Variants in RANBP2 observed in about 807,000 individuals in gnomAD.
RANBP2 encodes E3 SUMO-protein ligase RanBP2.
In RANBP2, 57 loss-of-function variants were observed where a neutral mutation model predicts 303.6. The ratio of observed to expected loss-of-function variants is 0.19; its 90% CI spans 0.15 to 0.23. RANBP2 has a LOEUF of 0.23. RANBP2 is among the 10% of genes least tolerant of loss of function. RANBP2 has a pLI of 1.00. For missense variants in RANBP2, 3,138 were observed against 3,780.8 expected (o/e 0.83, Z 4.46); for synonymous variants, 1,167 against 1,301.5 (o/e 0.90, Z 2.23).
chr2:109,306,811 G>T, the RANBP2 span, among the ~76,000 whole-genome samples: 3 of 152,194 alleles, frequency 2.0e-5, no homozygotes, highest in Non-Finnish European at 4.4e-5. Context: ...GGTTGATTAC[G>T]TATTTCCTAG....
At chr2:109,677,815 T>C in the RANBP2 span, among the ~76,000 whole-genome samples, 1 of 152,246 alleles carries the variant, frequency 6.6e-6, no homozygotes, top group African/African-American at 2.4e-5. Context: ...ACTGTTGAGA[T>C]GATACAGTTT....
At chr2:109,655,019 C>T in the RANBP2 span, among the ~76,000 whole-genome samples, 4 of 151,986 alleles carry the variant, frequency 2.6e-5, no homozygotes, top group African/African-American at 7.2e-5. Flanking sequence ...TCTCCTGCCT[C>T]AGCCTCCCGA....
chr2:109,589,205 C>T, the RANBP2 span, among the ~76,000 whole-genome samples: 1 of 151,880 alleles, frequency 6.6e-6, no homozygotes, highest in African/African-American at 2.4e-5. Flanking sequence ...TGCAGTCGTG[C>T]GACCTTGGCA....
the RANBP2 span, among the ~76,000 whole-genome samples, chr2:109,237,392 A>G: frequency 5.3e-5 from 8 of 152,228 alleles, no homozygotes; most frequent in African/African-American, 1.9e-4. Context: ...AAGAGTATAA[A>G]AAAGTGCACA....
At chr2:109,021,524 GA>G in the RANBP2 span, among the ~76,000 whole-genome samples, 80 of 120,114 alleles carry the variant, frequency 6.7e-4, no homozygotes, top group East Asian at 5.2e-3. Flanking sequence ...CTCCGTCTCA[GA>G]AAAAAAAAAA....
the RANBP2 span, among the ~76,000 whole-genome samples, chr2:109,287,030 C>T: frequency 6.6e-6 from 1 of 152,194 alleles, no homozygotes; most frequent in Non-Finnish European, 1.5e-5. Context: ...CTGCACTGCT[C>T]TTCCCTCTCA....
At chr2:109,033,682 G>A in the RANBP2 span, among the ~76,000 whole-genome samples, 2 of 152,190 alleles carry the variant, frequency 1.3e-5, no homozygotes, top group South Asian at 4.2e-4. Context: ...TTGAGAGGCG[G>A]TGGCTCATGC....
chr2:108,788,288 C>G (rs1249446056), downstream of RANBP2, among the ~76,000 whole-genome samples: 1 of 151,998 alleles, frequency 6.6e-6, no homozygotes, highest in Non-Finnish European at 1.5e-5. Flanking sequence ...AGCATGGTGG[C>G]GGGCGCCTGT....
chr2:109,375,856 G>A, the RANBP2 span, among the ~76,000 whole-genome samples: 14 of 152,260 alleles, frequency 9.2e-5, no homozygotes, highest in Non-Finnish European at 1.5e-4. Flanking sequence ...AGGACCATGA[G>A]CAGCCCATGG....
chr2:108,751,272 C>A lies in RANBP2; in HGVS notation c.1282C>A (p.Arg428=). 2.5e-6 allele frequency: 4 copies of A among 1,611,848 alleles called. No homozygotes were observed. Among genetic ancestry groups the A allele is most frequent in the Non-Finnish European group, 3.4e-6 (4 of 1,179,830 alleles). Residue 428 remains arginine (R), a synonymous_variant, in exon 10 of 29, where the codon CGA becomes AGA. Coordinates refer to ENST00000283195, the MANE Select transcript of RANBP2 (RefSeq NM_006267.5). The part of the protein sequence containing the change: ...DLTRYDVGAI[R]AHNGSLQHLT... Reference sequence around the variant, plus strand: ...TTTTAATTTTATTTCAGGTGCTATTCGAGCACATAATGGTAGTCTTCAGCA... The same window carrying A: ...TTTTAATTTTATTTCAGGTGCTATTAGAGCACATAATGGTAGTCTTCAGCA...
chr2:109,227,449 A>G, the RANBP2 span, among the ~76,000 whole-genome samples: 1 of 152,142 alleles, frequency 6.6e-6, no homozygotes, highest in Non-Finnish European at 1.5e-5. Flanking sequence ...GTAAAAACCA[A>G]ATGCGACTGG....
At chr2:109,539,096 A>C in the RANBP2 span, among the ~76,000 whole-genome samples, 1 of 152,062 alleles carries the variant, frequency 6.6e-6, no homozygotes, top group African/African-American at 2.4e-5. Context: ...TCAGGAGTTC[A>C]AGACCAGCCT....
chr2:109,287,396 C>T, the RANBP2 span, among the ~76,000 whole-genome samples: 1 of 152,168 alleles, frequency 6.6e-6, no homozygotes, highest in South Asian at 2.1e-4. Context: ...ACATGTTTAT[C>T]TGTGGGCTTA....
At chr2:109,447,837 T>C in the RANBP2 span, among the ~76,000 whole-genome samples, 1 of 152,234 alleles carries the variant, frequency 6.6e-6, no homozygotes, top group African/African-American at 2.4e-5. Context: ...TTGCAATCCC[T>C]AACATCTTTA....
At chr2:109,228,393 A>G in the RANBP2 span, among the ~76,000 whole-genome samples, 2 of 152,098 alleles carry the variant, frequency 1.3e-5, no homozygotes, top group Non-Finnish European at 2.9e-5. Flanking sequence ...GTAGAGGAAA[A>G]CCAACTGTTT....
the RANBP2 span, among the ~76,000 whole-genome samples, chr2:109,090,309 C>T: frequency 9.7e-4 from 89 of 91,706 alleles, no homozygotes; most frequent in South Asian, 0.025. Flanking sequence ...GACACCTCGC[C>T]TCACACACAC....
chr2:108,896,762 C>T, the RANBP2 span: 19 of 760,782 alleles, frequency 2.5e-5, no homozygotes, highest in Non-Finnish European at 2.9e-5. Flanking sequence ...GGCCTTATTT[C>T]GTCTGGCTCC....
the RANBP2 span, among the ~76,000 whole-genome samples, chr2:109,037,355 AC>A: frequency 6.5e-3 from 979 of 151,264 alleles, 6 homozygotes; most frequent in East Asian, 0.033. Context: ...AGAACCAAAT[AC>A]TTAATGGAGA....
chr2:109,740,458 A>AACC, the RANBP2 span, among the ~76,000 whole-genome samples: 1 of 152,240 alleles, frequency 6.6e-6, no homozygotes, highest in Admixed American at 6.5e-5. Flanking sequence ...AACTTAACAG[A>AACC]ACCATCAATT....
Sources: allele counts gnomAD v4.1 joint callset (sites outside exome capture counted in the v4.1 genomes callset), GRCh38; gene constraint gnomAD v4.1.1; transcripts MANE v1.5; gene names NCBI Gene and HGNC (gene_info 2026-07-23, HGNC 2026-07-21).